Variants in LARGE1 observed in about 807,000 individuals in gnomAD.
The protein encoded by LARGE1 is LARGE xylosyl- and glucuronyltransferase 1.
Under a neutral mutation model 87.6 loss-of-function variants are expected in LARGE1, and 43 were observed. That is an observed-to-expected ratio of 0.49 (90% CI 0.38 to 0.63). The LOEUF (loss-of-function observed/expected upper bound fraction) is 0.63, where lower values mean the gene tolerates loss of function less well. Ranked by LOEUF, LARGE1 falls within the 30% of genes least tolerant of loss-of-function variation. The pLI is 0.00. For missense variants in LARGE1, 802 were observed against 1,000.2 expected, an observed-to-expected ratio of 0.80 and a Z score of 2.67; for synonymous variants, 434 against 394.6, an observed-to-expected ratio of 1.10 and a Z score of -1.18.
intron 11 of LARGE1, among the ~76,000 whole-genome samples, chr22:33,176,814 C>A (rs778114521): frequency 7.2e-5 from 11 of 152,078 alleles, no homozygotes; most frequent in African/African-American, 2.4e-4. Context: ...TGGATATATA[C>A]CCAAAGGATT....
the LARGE1 span, among the ~76,000 whole-genome samples, chr22:33,114,207 C>T: frequency 6.6e-6 from 1 of 152,086 alleles, no homozygotes; most frequent in Non-Finnish European, 1.5e-5. Context: ...TGACAATGGG[C>T]TGTTGCAAGG....
At chr22:33,750,137 T>C (rs192213808) in intron 2 of LARGE1, among the ~76,000 whole-genome samples, 92 of 152,310 alleles carry the variant, frequency 6.0e-4, no homozygotes, top group Middle Eastern at 3.4e-3. Context: ...CATACGCAGA[T>C]ACCAGAAGCT....
At position 33,311,130 on chromosome 22, in the gene LARGE1, T is replaced by A. The variant is rs540974633; in HGVS notation, c.1451+4955A>T. Reference sequence around the variant, plus strand: ...CGCCCGCCACCATGCCAGGCTAATTTTTTGTATTTTTAGTAGAGATGGGGT... The same window carrying A: ...CGCCCGCCACCATGCCAGGCTAATTATTTGTATTTTTAGTAGAGATGGGGT... On this transcript the variant is annotated intron_variant, in intron 11 of 14. Coordinates refer to ENST00000397394, the MANE Select transcript of LARGE1 (RefSeq NM_133642.5). 4.4e-3 allele frequency among the ~76,000 whole-genome samples: 675 copies of A among 152,180 alleles called. 19 individuals carry two copies. The East Asian group carries it at 0.061, about 14-fold the overall frequency.
In LARGE1 at chr22:33,645,008, A is replaced by G. The variant is rs538103440; in HGVS notation, c.408+5359T>C. ...CGAAGTAATTTATATATTCAATGCT[A>G]TTCCCATCAAGCTACCATTGACTTT... On this transcript the variant is annotated intron_variant, in intron 3 of 14. Coordinates refer to ENST00000397394, the MANE Select transcript of LARGE1 (RefSeq NM_133642.5). Among the ~76,000 whole-genome samples, 5 of 152,342 alleles carry G rather than the reference A, an allele frequency of 3.3e-5. No individual in the cohort carries two copies. The South Asian group carries it at 8.3e-4, about 25-fold the overall frequency.
At chr22:33,616,735 T>G (rs575437846) in intron 4 of LARGE1, among the ~76,000 whole-genome samples, 4 of 152,160 alleles carry the variant, frequency 2.6e-5, no homozygotes, top group African/African-American at 9.7e-5. Flanking sequence ...TACTGTATGA[T>G]TTCACTTTCA....
chr22:33,105,359 G>C, the LARGE1 span: 2 of 152,134 alleles, frequency 1.3e-5, no homozygotes, highest in Non-Finnish European at 2.9e-5. Flanking sequence ...CTCTTTCCCA[G>C]GTCAATAATC....
At chr22:33,096,007 G>A in the LARGE1 span, among the ~76,000 whole-genome samples, 1 of 152,152 alleles carries the variant, frequency 6.6e-6, no homozygotes, top group Non-Finnish European at 1.5e-5. Context: ...TGACAGCTGT[G>A]GGGATTTTAC....
intron 6 of LARGE1, among the ~76,000 whole-genome samples, chr22:33,530,968 A>G (rs770863152): frequency 6.6e-6 from 1 of 152,166 alleles, no homozygotes; most frequent in Admixed American, 6.5e-5. Context: ...CAGTCATTCA[A>G]TGTGGACAGG....
At chr22:33,907,569 CTTT>C (rs34936785) in intron 1 of LARGE1, among the ~76,000 whole-genome samples, 1 of 146,142 alleles carries the variant, frequency 6.8e-6, no homozygotes, top group Non-Finnish European at 1.5e-5. Flanking sequence ...GAAGACATTT[CTTT>C]TTTTTTTTTT....
chr22:33,745,594 A>C (rs2084050147), intron 2 of LARGE1, among the ~76,000 whole-genome samples: 1 of 152,174 alleles, frequency 6.6e-6, no homozygotes, highest in Non-Finnish European at 1.5e-5. Context: ...GCATTTTGAG[A>C]AGCGTTAACT....
intron 2 of LARGE1, among the ~76,000 whole-genome samples, chr22:33,702,460 G>A (rs2082429906): frequency 6.6e-6 from 1 of 152,208 alleles, no homozygotes; most frequent in African/African-American, 2.4e-5. Flanking sequence ...CAATATAAAT[G>A]TTAATAGGAA....
the LARGE1 span, among the ~76,000 whole-genome samples, chr22:33,150,810 G>C: frequency 1.3e-5 from 2 of 152,120 alleles, no homozygotes; most frequent in East Asian, 3.9e-4. Flanking sequence ...TGATGTGTGA[G>C]CATATCTCTT....
chr22:33,564,735 A>T (rs1181806113), intron 6 of LARGE1, 113 bp downstream of exon 6: 2 of 1,068,828 alleles, frequency 1.9e-6, no homozygotes, highest in Non-Finnish European at 2.9e-6. Context: ...CACCCACTGC[A>T]TTAGCACGAC....
intron 6 of LARGE1, among the ~76,000 whole-genome samples, chr22:33,457,933 T>C (rs1601927926): frequency 6.6e-6 from 1 of 152,122 alleles, no homozygotes; most frequent in South Asian, 2.1e-4. Context: ...ACTGGCCAAG[T>C]GTATAATCTT....
chr22:33,291,457 C>T (rs1355660360), intron 12 of LARGE1, among the ~76,000 whole-genome samples: 1 of 152,082 alleles, frequency 6.6e-6, no homozygotes, highest in African/African-American at 2.4e-5. Flanking sequence ...CTCACTGGTG[C>T]GTGCTTAGGT....
chr22:33,746,184 G>A (rs974025892), intron 2 of LARGE1, among the ~76,000 whole-genome samples: 14 of 152,172 alleles, frequency 9.2e-5, no homozygotes, highest in Admixed American at 5.2e-4. Context: ...AGAGCTTGCA[G>A]TGAGCAGAGA....
At chr22:33,108,036 TA>T in the LARGE1 span, among the ~76,000 whole-genome samples, 2 of 152,168 alleles carry the variant, frequency 1.3e-5, no homozygotes. Context: ...AAATGTACTA[TA>T]TTATATATTC....
At chr22:33,126,676 T>C in the LARGE1 span, among the ~76,000 whole-genome samples, 4 of 152,260 alleles carry the variant, frequency 2.6e-5, no homozygotes, top group Non-Finnish European at 5.9e-5. Context: ...TAGTAAAATT[T>C]AATTTATTCT....
chr22:33,660,090 G>GTT (rs35643369), intron 2 of LARGE1, among the ~76,000 whole-genome samples: 77 of 125,402 alleles, frequency 6.1e-4, no homozygotes, highest in African/African-American at 1.6e-3. Flanking sequence ...GTGTGTGTGT[G>GTT]TTTTTTTTTT....
Sources: allele counts gnomAD v4.1 joint callset (sites outside exome capture counted in the v4.1 genomes callset), GRCh38; gene constraint gnomAD v4.1.1; transcripts MANE v1.5; gene names NCBI Gene and HGNC (gene_info 2026-07-23, HGNC 2026-07-21).